The following NAALADL2 variants were observed in gnomAD, a reference collection of about 807,000 sequenced individuals.
NAALADL2 encodes the protein inactive N-acetylated-alpha-linked acidic dipeptidase-like protein 2.
A neutral mutation model predicts 87.2 loss-of-function variants in NAALADL2; 76 were observed. The observed-to-expected ratio is 0.87, with a 90% CI of 0.72 to 1.05. NAALADL2 has a LOEUF of 1.05. Among genes scored for constraint, NAALADL2 ranks in the 50% least tolerant of loss-of-function variants. The pLI, the probability that NAALADL2 is intolerant of heterozygous loss-of-function variation, is 0.00. For missense variants in NAALADL2, 1,089 were observed against 945.8 expected (o/e 1.15, Z -1.99); for synonymous variants, 354 against 331.0 (o/e 1.07, Z -0.75).
At chr3:175,271,324 AT>A (rs1752796950) in intron 4 of NAALADL2, among the ~76,000 whole-genome samples, 1 of 152,184 alleles carries the variant, frequency 6.6e-6, no homozygotes, top group Admixed American at 6.5e-5. Flanking sequence ...TTAGAAATAG[AT>A]TTAAAAAAAA....
intron 4 of NAALADL2, among the ~76,000 whole-genome samples, chr3:175,267,394 TA>T (rs1297057785): frequency 2.0e-5 from 3 of 152,042 alleles, no homozygotes; most frequent in Non-Finnish European, 4.4e-5. Context: ...TTAAGTAATT[TA>T]TTTTTTTTAC....
chr3:174,781,902 C>T (rs1716032073), intron 3 of NAALADL2, among the ~76,000 whole-genome samples: 1 of 151,914 alleles, frequency 6.6e-6, no homozygotes, highest in Non-Finnish European at 1.5e-5. Flanking sequence ...AATGGGAATG[C>T]TTCTTTCCTT....
At chr3:174,630,523 T>C (rs1722007197) in intron 2 of NAALADL2, among the ~76,000 whole-genome samples, 2 of 152,216 alleles carry the variant, frequency 1.3e-5, no homozygotes, top group Non-Finnish European at 2.9e-5. Context: ...AATAAAATGT[T>C]CAAACATTTG....
chr3:175,214,610 T>TC (rs1742237667), intron 2 of NAALADL2, among the ~76,000 whole-genome samples: 2 of 151,866 alleles, frequency 1.3e-5, no homozygotes, highest in South Asian at 4.2e-4. Flanking sequence ...AGAAAACCAT[T>TC]TTTTTCTTAT....
chr3:175,757,661 G>C (rs1368575176), intron 13 of NAALADL2, among the ~76,000 whole-genome samples: 1 of 151,954 alleles, frequency 6.6e-6, no homozygotes, highest in Non-Finnish European at 1.5e-5. Context: ...AAGACACTTT[G>C]TTTGCTGCTT....
chr3:175,316,105 A>T lies in NAALADL2; in HGVS notation c.940-8070A>T, dbSNP rs184462617. On this transcript the variant is annotated intron_variant, in intron 4 of 13. Coordinates refer to ENST00000454872, the MANE Select transcript of NAALADL2 (RefSeq NM_207015.3). ...TGGATGATGAAACCAAGGCATAGAA[A>T]AATTATGTAAGTTGTCACATAGCTA... Among the ~76,000 whole-genome samples the T allele has an allele frequency of 2.1e-3, 314 of 152,336 alleles. 3 individuals carry two copies. The highest frequency in any genetic ancestry group is 7.3e-3 in the African/African-American group (303 of 41,578).
intron 3 of NAALADL2, among the ~76,000 whole-genome samples, chr3:174,819,392 CT>C (rs11344258): frequency 0.96 from 146,431 of 151,748 alleles, 70,703 homozygotes; most frequent in East Asian, 1. Context: ...TATTTACTTT[CT>C]TTTTTTTCAT....
intron 11 of NAALADL2, among the ~76,000 whole-genome samples, chr3:175,695,899 T>A (rs1737736818): frequency 6.6e-6 from 1 of 152,112 alleles, no homozygotes; most frequent in Admixed American, 6.6e-5. Context: ...AAAATGGCAA[T>A]ACAATGTCTA....
chr3:175,562,068 ACT>A (rs1716360521), intron 9 of NAALADL2, among the ~76,000 whole-genome samples: 1 of 152,032 alleles, frequency 6.6e-6, no homozygotes, highest in Non-Finnish European at 1.5e-5. Context: ...ATTTGATCTG[ACT>A]CTGTATTTCA....
chr3:174,612,278 T>C (rs1448476520), intron 2 of NAALADL2, among the ~76,000 whole-genome samples: 1 of 152,104 alleles, frequency 6.6e-6, no homozygotes, highest in Non-Finnish European at 1.5e-5. Context: ...GTTCTTTGGG[T>C]TAAATCTGCT....
At chr3:175,056,902 C>G (rs549612458) in intron 1 of NAALADL2, among the ~76,000 whole-genome samples, 1 of 152,222 alleles carries the variant, frequency 6.6e-6, no homozygotes, top group East Asian at 1.9e-4. Flanking sequence ...GGTAAACCCA[C>G]AACCTTCCAA....
intron 13 of NAALADL2, among the ~76,000 whole-genome samples, chr3:175,783,302 G>A (rs1029861759): frequency 7.2e-5 from 11 of 151,924 alleles, no homozygotes; most frequent in Non-Finnish European, 1.5e-4. Flanking sequence ...TGGGCAGTAT[G>A]GCCATTTTCA....
chr3:175,119,961 G>C (rs965739426), intron 2 of NAALADL2, among the ~76,000 whole-genome samples: 10 of 149,358 alleles, frequency 6.7e-5, no homozygotes, highest in Admixed American at 5.4e-4. Flanking sequence ...ACAAGGGTGA[G>C]AGGGGAAAGG....
At chr3:174,449,527 A>C (rs933539662) in intron 1 of NAALADL2, among the ~76,000 whole-genome samples, 1 of 152,188 alleles carries the variant, frequency 6.6e-6, no homozygotes, top group Non-Finnish European at 1.5e-5. Flanking sequence ...TCTCAGAACT[A>C]TTTCCAGACA....
intron 1 of NAALADL2, among the ~76,000 whole-genome samples, chr3:175,093,416 T>A (rs60937646): frequency 0.43 from 59,986 of 138,324 alleles, 13,206 homozygotes; most frequent in Non-Finnish European, 0.48. Flanking sequence ...TTTTATTTTT[T>A]TATATATATA....
intron 1 of NAALADL2, among the ~76,000 whole-genome samples, chr3:175,094,995 A>G (rs1047128979): frequency 1.3e-4 from 20 of 152,036 alleles, no homozygotes; most frequent in Non-Finnish European, 2.8e-4. Flanking sequence ...TTATATTATT[A>G]TTATACCCAT....
At chr3:174,857,422 C>G (rs1560292149), upstream of NAALADL2, among the ~76,000 whole-genome samples, 1 of 152,154 alleles carries the variant, frequency 6.6e-6, no homozygotes. Flanking sequence ...TAGGACTTCT[C>G]TATTCCACTT....
At chr3:174,814,315 G>A (rs1322471838) in intron 3 of NAALADL2, among the ~76,000 whole-genome samples, 3 of 151,954 alleles carry the variant, frequency 2.0e-5, no homozygotes, top group Non-Finnish European at 4.4e-5. Flanking sequence ...CACCTTGTTA[G>A]CCAGGATGGT....
chr3:175,448,436 G>A (rs1009768610), intron 6 of NAALADL2, among the ~76,000 whole-genome samples: 3 of 152,138 alleles, frequency 2.0e-5, no homozygotes, highest in African/African-American at 7.2e-5. Context: ...GTTGTAAGAG[G>A]CACTGGACTT....
Sources: gnomAD v4.1 joint callset for allele counts (sites outside exome capture counted in the v4.1 genomes callset) on GRCh38, gnomAD v4.1.1 for gene constraint, MANE v1.5 for transcripts, NCBI Gene and HGNC (gene_info 2026-07-23, HGNC 2026-07-21) for gene names.